Variants in DGKI observed in about 807,000 individuals in gnomAD.
DGKI encodes the protein diacylglycerol kinase iota, also known as DAG kinase iota.
In DGKI, 55 loss-of-function variants were observed where a neutral mutation model predicts 147.5. That is an observed-to-expected ratio of 0.37 (90% CI 0.30 to 0.47). DGKI has a LOEUF of 0.47. Ranked by LOEUF, DGKI falls within the 20% of genes least tolerant of loss-of-function variation. The pLI is 1.00. For synonymous variants in DGKI, 469 were observed against 477.1 expected (o/e 0.98, Z 0.22); for missense variants, 1,007 against 1,323.8 (o/e 0.76, Z 3.71).
At chr7:137,425,530 C>A (rs1812764082) in intron 28 of DGKI, among the ~76,000 whole-genome samples, 1 of 152,180 alleles carries the variant, frequency 6.6e-6, no homozygotes, top group Non-Finnish European at 1.5e-5. Context: ...TCACCAGCAA[C>A]AGAACAAAGA....
At chr7:137,517,330 A>G (rs1261790298) in intron 21 of DGKI, among the ~76,000 whole-genome samples, 1 of 135,494 alleles carries the variant, frequency 7.4e-6, no homozygotes, top group Non-Finnish European at 1.6e-5. Flanking sequence ...AAAGAAAGAA[A>G]GAAAGAAAGA....
chr7:137,433,454 T>G (rs1813158744), intron 28 of DGKI, among the ~76,000 whole-genome samples: 1 of 152,194 alleles, frequency 6.6e-6, no homozygotes, highest in Admixed American at 6.5e-5. Context: ...AGGAGAAGAC[T>G]TTTGATTAAA....
chr7:137,396,152 C>T (rs535400211), intron 31 of DGKI, among the ~76,000 whole-genome samples: 8 of 152,342 alleles, frequency 5.3e-5, no homozygotes, highest in South Asian at 4.1e-4. Context: ...GATGGCCACT[C>T]GGCCTGCAGT....
chr7:137,669,794 T>C (rs1372663032), intron 3 of DGKI, among the ~76,000 whole-genome samples: 3 of 152,226 alleles, frequency 2.0e-5, no homozygotes, highest in South Asian at 4.1e-4. Flanking sequence ...TGACTCTTTT[T>C]TTCCTTTATC....
rs571327737 is a variant in DGKI, at chr7:137,391,161, A to G, written c.*59T>C. On this transcript the variant is annotated 3_prime_UTR_variant, in exon 33 of 33. Transcript: ENST00000614521. Reference sequence around the variant, plus strand: ...CAGCTTCTTCCAGGGGAGCTGCCCAATTGCAGGGAGGGCAGATGTGATACG... The same window carrying G: ...CAGCTTCTTCCAGGGGAGCTGCCCAGTTGCAGGGAGGGCAGATGTGATACG... 7.0e-6 allele frequency: 9 copies of G among 1,290,374 alleles called. No individual in the cohort carries two copies. In the African/African-American group the frequency reaches 1.2e-4, roughly 17 times the overall value. The allele number at this position is 1,290,374 out of a possible 1,614,324, so 79.9% of individuals were successfully genotyped here.
At chr7:137,716,377 C>T (rs561193930) in intron 1 of DGKI, among the ~76,000 whole-genome samples, 1 of 152,248 alleles carries the variant, frequency 6.6e-6, no homozygotes, top group East Asian at 1.9e-4. Context: ...AGCTCATGAC[C>T]AATTCCCACA....
At chr7:137,679,990 C>CAAAAA (rs768437551) in intron 2 of DGKI, among the ~76,000 whole-genome samples, 3 of 54,072 alleles carry the variant, frequency 5.5e-5, no homozygotes, top group Non-Finnish European at 8.0e-5. Flanking sequence ...GACTCCATCT[C>CAAAAA]AAAAAAAAAA....
chr7:137,588,747 A>C (rs1361625969), intron 12 of DGKI, among the ~76,000 whole-genome samples: 1 of 152,140 alleles, frequency 6.6e-6, no homozygotes, highest in Non-Finnish European at 1.5e-5. Context: ...AAGTGCTGGG[A>C]TTACAGGCGT....
At chr7:137,628,649 G>A (rs931147064) in intron 6 of DGKI, among the ~76,000 whole-genome samples, 1 of 152,158 alleles carries the variant, frequency 6.6e-6, no homozygotes, top group African/African-American at 2.4e-5. Flanking sequence ...CGTCAAAGAG[G>A]AAAATAGGGA....
chr7:137,767,814 C>G (rs1796066949), intron 1 of DGKI, among the ~76,000 whole-genome samples: 1 of 152,198 alleles, frequency 6.6e-6, no homozygotes, highest in African/African-American at 2.4e-5. Flanking sequence ...ATAACAGTAT[C>G]TGCTTTACAT....
intron 19 of DGKI, among the ~76,000 whole-genome samples, chr7:137,553,019 A>G (rs1177268505): frequency 1.3e-5 from 2 of 152,234 alleles, no homozygotes; most frequent in East Asian, 3.8e-4. Context: ...CCACCACCAT[A>G]GTAGGAAACC....
At position 137,384,026 on chromosome 7, in the gene DGKI, T is replaced by A. The variant is rs890953792; in HGVS notation, c.*7194A>T. ...TATTAAACCTCTATGTATATGACTA[T>A]GTATTATCATAACACTTAGCTTGCA... On this transcript the variant is annotated 3_prime_UTR_variant, in exon 33 of 33. Coordinates refer to ENST00000614521, the MANE Select transcript of DGKI (RefSeq NM_001321708.2). 1 of 152,092 alleles carries A rather than the reference T, an allele frequency of 6.6e-6. No homozygotes were observed. The highest frequency in any genetic ancestry group is 1.5e-5 in the Non-Finnish European group (1 of 67,968). 9.4% of individuals were successfully genotyped at this position (152,092 alleles called of 1,614,324 possible).
At chr7:137,829,011 G>A (rs997891008) in intron 1 of DGKI, among the ~76,000 whole-genome samples, 2 of 152,140 alleles carry the variant, frequency 1.3e-5, no homozygotes, top group Middle Eastern at 3.2e-3. Context: ...TTAATTGCTG[G>A]AGAAGCAATA....
chr7:137,755,576 A>AAATAAACC (rs1356470302), intron 1 of DGKI, among the ~76,000 whole-genome samples: 1 of 152,208 alleles, frequency 6.6e-6, no homozygotes, highest in Non-Finnish European at 1.5e-5. Context: ...TTGAATTGCC[A>AAATAAACC]AATAAACCAC....
chr7:137,474,295 A>G (rs1430815866), intron 23 of DGKI, among the ~76,000 whole-genome samples: 2 of 152,220 alleles, frequency 1.3e-5, no homozygotes, highest in Non-Finnish European at 2.9e-5. Flanking sequence ...AAAATGCTTC[A>G]CCTACATCGG....
chr7:137,481,500 T>G (rs1202450634), intron 23 of DGKI, among the ~76,000 whole-genome samples: 1 of 152,114 alleles, frequency 6.6e-6, no homozygotes, highest in Non-Finnish European at 1.5e-5. Context: ...GTTACATCAA[T>G]GCTATTAGGA....
chr7:137,453,919 A>G (rs963990347), intron 27 of DGKI, among the ~76,000 whole-genome samples: 3 of 143,826 alleles, frequency 2.1e-5, no homozygotes, highest in East Asian at 2.6e-4. Context: ...GGCTTGAAAT[A>G]TCTTGTTTTT....
intron 32 of DGKI, among the ~76,000 whole-genome samples, chr7:137,395,113 C>T (rs1202682865): frequency 1.3e-5 from 2 of 152,040 alleles, no homozygotes; most frequent in East Asian, 3.9e-4. Flanking sequence ...AGACTATGAC[C>T]ATCTCAAAGC....
chr7:137,539,695 A>C (rs1278789936), intron 20 of DGKI, among the ~76,000 whole-genome samples: 2 of 152,016 alleles, frequency 1.3e-5, no homozygotes, highest in African/African-American at 4.8e-5. Context: ...TTAGAAAAAA[A>C]TGGGAAAAAA....
Sources: allele counts gnomAD v4.1 joint callset (sites outside exome capture counted in the v4.1 genomes callset), GRCh38; gene constraint gnomAD v4.1.1; transcripts MANE v1.5; gene names NCBI Gene and HGNC (gene_info 2026-07-23, HGNC 2026-07-21).